The following OOSP4B variants were observed in gnomAD, a reference collection of about 807,000 sequenced individuals.
The protein encoded by OOSP4B is oocyte secreted protein family member 4B, also known as oocyte-secreted protein 4B.
chr11:60,027,655 T>TAAAAAAAAAAAAAAAAAAAAAAA lies in OOSP4B; in HGVS notation c.303-2124_303-2102dup, dbSNP rs61649958. 2.6e-4 allele frequency among the ~76,000 whole-genome samples: 16 copies of TAAAAAAAAAAAAAAAAAAAAAAA among 62,230 alleles called. 4 individuals are homozygous for TAAAAAAAAAAAAAAAAAAAAAAA. The highest frequency in any genetic ancestry group is 7.8e-4 in the East Asian group (1 of 1,280). 40.8% of individuals were successfully genotyped at this position (62,230 alleles called of 152,430 possible). On this transcript the variant is annotated intron_variant, in intron 3 of 4. Transcript: ENST00000642343. ...TCTAAGCAGGTAAAGGCTATGATATTAAAAAAAAAAAAAAAAAAAAAAAAA... is the reference window on the plus strand; with the variant it reads ...TCTAAGCAGGTAAAGGCTATGATATTAAAAAAAAAAAAAAAAAAAAAAAAAAAAAAAAAAAAAAAAAAAAAAAA...
Position 60,018,493 on chromosome 11 carries a change from G to C in OOSP4B, c.22+1080G>C, listed in dbSNP as rs184955451. On this transcript the variant is annotated intron_variant, in intron 1 of 4. Coordinates refer to ENST00000642343, the Ensembl canonical transcript of OOSP4B. ...AAACCCAGCCTTGTGTTTTATTTTAGCTTAGAAGCACTTTAAGGCACATAT... is the reference window on the plus strand; with the variant it reads ...AAACCCAGCCTTGTGTTTTATTTTACCTTAGAAGCACTTTAAGGCACATAT... Among the ~76,000 whole-genome samples, 255 of 152,242 alleles carry C rather than the reference G, an allele frequency of 1.7e-3. 2 individuals carry two copies. Among genetic ancestry groups the C allele is most frequent in the African/African-American group, 5.7e-3 (236 of 41,518 alleles).
chr11:60,027,041 T>C (rs183843238), intron 3 of OOSP4B, among the ~76,000 whole-genome samples: 1 of 152,256 alleles, frequency 6.6e-6, no homozygotes, highest in Admixed American at 6.5e-5. Context: ...ATAGGTTTGT[T>C]ACATAAGTAC....
intron 2 of OOSP4B, among the ~76,000 whole-genome samples, chr11:60,024,347 C>A (rs982540993): frequency 2.0e-5 from 3 of 152,286 alleles, no homozygotes; most frequent in Admixed American, 2.0e-4. Flanking sequence ...TGAGACCAAC[C>A]TGGTCAACAT....
intron 1 of OOSP4B, among the ~76,000 whole-genome samples, chr11:60,023,035 G>T (rs749563535): frequency 2.4e-4 from 37 of 152,176 alleles, no homozygotes; most frequent in Non-Finnish European, 4.4e-4. Context: ...AACATTAATT[G>T]AGCATTTAAG....
intron 1 of OOSP4B, among the ~76,000 whole-genome samples, chr11:60,018,029 A>G (rs1256197178): frequency 1.3e-5 from 2 of 152,210 alleles, no homozygotes; most frequent in Non-Finnish European, 2.9e-5. Flanking sequence ...GCTGCCAGGA[A>G]AAAATTACTA....
chr11:60,027,531 G>C (rs1156977129), intron 3 of OOSP4B, among the ~76,000 whole-genome samples: 1 of 151,556 alleles, frequency 6.6e-6, no homozygotes, highest in Non-Finnish European at 1.5e-5. Context: ...ATTGTTATAG[G>C]CACCTCCTAT....
At chr11:60,020,503 C>G (rs549703145) in intron 1 of OOSP4B, among the ~76,000 whole-genome samples, 1 of 152,326 alleles carries the variant, frequency 6.6e-6, no homozygotes, top group Admixed American at 6.5e-5. Context: ...GGCCAGCCGG[C>G]GGCTCCGAGT....
intron 4 of OOSP4B, among the ~76,000 whole-genome samples, chr11:60,030,310 A>G (rs1175876148): frequency 2.6e-5 from 4 of 152,234 alleles, no homozygotes; most frequent in Non-Finnish European, 5.9e-5. Context: ...AAGTAGGCAG[A>G]TAGGTAAACT....
chr11:60,019,651 T>C (rs531330095), intron 1 of OOSP4B: 1 of 152,612 alleles, frequency 6.6e-6, no homozygotes, highest in South Asian at 2.1e-4. Flanking sequence ...GTGGTCTGGC[T>C]GGCTTCGGGA....
chr11:60,023,051 G>A (rs761632305), intron 1 of OOSP4B, among the ~76,000 whole-genome samples: 39 of 152,160 alleles, frequency 2.6e-4, no homozygotes, highest in Non-Finnish European at 4.9e-4. Flanking sequence ...TTAAGTTCTA[G>A]GCAGTGTTCC....
At chr11:60,028,970 A>G (rs1443465424) in intron 3 of OOSP4B, among the ~76,000 whole-genome samples, 1 of 125,998 alleles carries the variant, frequency 7.9e-6, no homozygotes, top group East Asian at 2.3e-4. Flanking sequence ...TGCCGTCTAT[A>G]TAGGCATCCA....
chr11:60,028,524 G>A (rs889158030), intron 3 of OOSP4B, among the ~76,000 whole-genome samples: 1 of 152,092 alleles, frequency 6.6e-6, no homozygotes, highest in Non-Finnish European at 1.5e-5. Flanking sequence ...TCATCTTGAA[G>A]TTCATTTTCT....
chr11:60,029,575 G>A (rs1358258648), intron 3 of OOSP4B, among the ~76,000 whole-genome samples: 1 of 152,080 alleles, frequency 6.6e-6, no homozygotes, highest in African/African-American at 2.4e-5. Context: ...TCAAGTCAAG[G>A]ATCAATTCTG....
chr11:60,018,658 G>A (rs1347854241), intron 1 of OOSP4B, among the ~76,000 whole-genome samples: 1 of 152,168 alleles, frequency 6.6e-6, no homozygotes, highest in Non-Finnish European at 1.5e-5. Context: ...AATAAGATTT[G>A]TGGGGGGCTA....
chr11:60,027,674 A>AAAAAAAAAAAAAAAAAAAAAAAAAC, intron 3 of OOSP4B, among the ~76,000 whole-genome samples: 1 of 148,476 alleles, frequency 6.7e-6, no homozygotes, highest in Non-Finnish European at 1.5e-5. Flanking sequence ...AAAAAAAAAA[A>AAAAAAAAAAAAAAAAAAAAAAAAAC]AAAAAAGATG....
intron 1 of OOSP4B, among the ~76,000 whole-genome samples, chr11:60,023,632 C>G (rs1174646798): frequency 6.6e-6 from 1 of 152,124 alleles, no homozygotes; most frequent in East Asian, 1.9e-4. Context: ...ATGGGTTTCA[C>G]CATGTTGGCC....
intron 1 of OOSP4B, among the ~76,000 whole-genome samples, chr11:60,023,249 T>C (rs916394437): frequency 6.6e-6 from 1 of 152,222 alleles, no homozygotes; most frequent in African/African-American, 2.4e-5. Flanking sequence ...CTCAAGGGGC[T>C]TTTGAGCACA....
chr11:60,019,272 G>A (rs574321738), intron 1 of OOSP4B, among the ~76,000 whole-genome samples: 43 of 152,272 alleles, frequency 2.8e-4, no homozygotes, highest in Non-Finnish European at 5.6e-4. Flanking sequence ...CCAACACTTT[G>A]GGAGGCCTAG....
intron 1 of OOSP4B, among the ~76,000 whole-genome samples, chr11:60,021,804 C>T (rs945614460): frequency 6.6e-6 from 1 of 151,866 alleles, no homozygotes; most frequent in Non-Finnish European, 1.5e-5. Context: ...GCCAGCCTGG[C>T]GAAACCCTGT....
Sources: allele counts gnomAD v4.1 joint callset (sites outside exome capture counted in the v4.1 genomes callset), GRCh38; gene constraint gnomAD v4.1.1; transcripts MANE v1.5; gene names NCBI Gene and HGNC (gene_info 2026-07-23, HGNC 2026-07-21).